The following PHTF1 variants were observed in gnomAD, a reference collection of about 807,000 sequenced individuals.
The protein encoded by PHTF1 is putative homeodomain transcription factor 1, also known as protein PHTF1.
Under a neutral mutation model 102.4 loss-of-function variants are expected in PHTF1, and 88 were observed. The observed-to-expected ratio is 0.86, with a 90% CI of 0.72 to 1.03. The LOEUF (loss-of-function observed/expected upper bound fraction) is 1.03. PHTF1 is among the 50% of genes least tolerant of loss of function. The pLI is 0.00. For synonymous variants in PHTF1, 289 were observed against 305.2 expected (o/e 0.95, Z 0.55); for missense variants, 814 against 909.5 (o/e 0.89, Z 1.35).
chr1:113,722,898 T>A (rs910364737), intron 7 of PHTF1, among the ~76,000 whole-genome samples: 2 of 149,514 alleles, frequency 1.3e-5, no homozygotes, highest in African/African-American at 2.5e-5. Context: ...CCAGCCTGGA[T>A]GACAGAGGAA....
Position 113,705,924 on chromosome 1 carries a change from A to G in PHTF1, c.1637T>C (p.Phe546Ser), listed in dbSNP as rs201254988. The G allele has an allele frequency of 6.3e-5, 101 of 1,612,700 alleles. No individual in the cohort carries two copies. Among genetic ancestry groups the G allele is most frequent in the South Asian group, 1.1e-5 (1 of 91,012 alleles). The change falls in exon 13 of 19, where the codon TTC becomes TCC. Residue 546 changes from phenylalanine (F) to serine (S), a missense_variant. Phe to Ser is a radical substitution (Grantham distance 155). Coordinates refer to ENST00000369604, the MANE Select transcript of PHTF1 (RefSeq NM_001323043.2). ...TGTTCTCTCTGCCACACACATCATGAAAAAAAACATCCAAGTAAGACACAA... is the reference window on the plus strand; with the variant it reads ...TGTTCTCTCTGCCACACACATCATGGAAAAAAACATCCAAGTAAGACACAA... ...ERLCLTWMFF[F>S]MMCVAERTYK...
chr1:113,729,064 T>C (rs536690863), intron 5 of PHTF1, among the ~76,000 whole-genome samples: 2 of 152,156 alleles, frequency 1.3e-5, no homozygotes, highest in Non-Finnish European at 2.9e-5. Flanking sequence ...GTGGTACATA[T>C]ACACAATGGA....
chr1:113,698,263 C>A lies in PHTF1; in HGVS notation c.2267G>T (p.Arg756Ile). The stretch of plus-strand genomic sequence containing the variant: ...CTACAGAGTGGTGGTGATACTTACT[C>A]TTATATTAAATCCTAGAAGATCACT... The part of the protein sequence containing the change: ...VISDLLGFNI[R>I]LWKIKS The change falls in exon 18 of 19, where the codon AGA (arginine) becomes ATA (isoleucine). Residue 756 changes from arginine to isoleucine, a missense_variant and splice_region_variant. Physicochemically the swap from Arg to Ile is moderately conservative, Grantham distance 97. Coordinates refer to ENST00000369604, the MANE Select transcript of PHTF1 (RefSeq NM_001323043.2). 1 of 1,603,372 alleles carries A rather than the reference C, an allele frequency of 6.2e-7. No individual in the cohort carries two copies. The highest frequency in any genetic ancestry group is 1.1e-5 in the South Asian group (1 of 90,802).
intron 3 of PHTF1, among the ~76,000 whole-genome samples, chr1:113,744,783 A>G (rs1656952730): frequency 6.6e-6 from 1 of 152,136 alleles, no homozygotes; most frequent in Non-Finnish European, 1.5e-5. Flanking sequence ...TGTCTCTTAT[A>G]CTAAAATGCC....
intron 11 of PHTF1, among the ~76,000 whole-genome samples, chr1:113,709,506 C>A (rs1650731005): frequency 6.6e-6 from 1 of 152,158 alleles, no homozygotes; most frequent in Admixed American, 6.5e-5. Context: ...TGAACTATTT[C>A]TTCATCATTC....
Position 113,724,895 on chromosome 1 carries a change from T to C in PHTF1, c.489-2A>G, listed in dbSNP as rs749103573. On this transcript the variant is annotated splice_acceptor_variant, in intron 6 of 18. Transcript: ENST00000369604. LOFTEE classifies it high-confidence loss of function. Reference sequence around the variant, plus strand: ...CCATTTACAGTTTTTCGTAATTTTCTACAAAAAAAAATTTCAATAACTTCA... The same window carrying C: ...CCATTTACAGTTTTTCGTAATTTTCCACAAAAAAAAATTTCAATAACTTCA... 5.0e-6 allele frequency: 8 copies of C among 1,584,826 alleles called. No individual in the cohort carries two copies. The highest frequency in any genetic ancestry group is 4.7e-5 in the South Asian group (4 of 85,462).
intron 14 of PHTF1, among the ~76,000 whole-genome samples, 171 bp downstream of exon 14, chr1:113,704,495 C>G (rs1053819470): frequency 9.2e-5 from 14 of 152,128 alleles, no homozygotes; most frequent in Admixed American, 2.0e-4. Context: ...TTTACCTACC[C>G]CTACCAGCTT....
At position 113,738,203 on chromosome 1, in the gene PHTF1, G is replaced by A. The variant is rs78000844; in HGVS notation, c.238C>T (p.Arg80Ter). Residue 80 changes from arginine (R) to a stop codon, truncating the protein, a stop_gained, in exon 5 of 19, where the codon CGA (arginine) becomes TGA (stop). Transcript: ENST00000369604. LOFTEE classifies it high-confidence loss of function. ...CTGAACAATGGAAAAAATACAACTC[G>A]AACAAGCCCCTTCCGAGTCAGAGAT... The part of the protein sequence containing the change: ...WTSLTRKGLV[R>*]VVFFPLFSNW... 3.2e-5 allele frequency: 52 copies of A among 1,613,548 alleles called. No homozygotes were observed. Among genetic ancestry groups the A allele is most frequent in the Admixed American group, 1.5e-4 (9 of 60,010 alleles).
chr1:113,710,825 TTG>T (rs1248835587), intron 10 of PHTF1, among the ~76,000 whole-genome samples: 23 of 146,790 alleles, frequency 1.6e-4, no homozygotes, highest in Admixed American at 1.2e-3. Context: ...TTTTTTTTTT[TTG>T]TAAAGATGTG....
chr1:113,702,641 A>C (rs1488876967), intron 15 of PHTF1, among the ~76,000 whole-genome samples: 1 of 125,026 alleles, frequency 8.0e-6, no homozygotes, highest in Non-Finnish European at 1.7e-5. Context: ...AGTCCCGGCT[A>C]CCAGAAAAAA....
rs1648932826 is a variant in PHTF1 at position 113,697,577 on chromosome 1, T to A, written c.*128A>T. ...CTCCGGAAACACCATTCATTCGCTT[T>A]GGCAGAGCTGAGAGCACCTGTGCAT... On this transcript the variant is annotated 3_prime_UTR_variant, in exon 19 of 19. Transcript: ENST00000369604. 1.5e-6 allele frequency: 1 copy of A among 659,556 alleles called. No homozygotes were observed. Among genetic ancestry groups the A allele is most frequent in the Admixed American group, 2.6e-5 (1 of 39,184 alleles). The allele number at this position is 659,556 out of a possible 1,614,324, so 40.9% of individuals were successfully genotyped here.
chr1:113,729,679 T>C (rs1003488631), intron 5 of PHTF1, among the ~76,000 whole-genome samples: 4 of 152,184 alleles, frequency 2.6e-5, no homozygotes, highest in African/African-American at 7.2e-5. Flanking sequence ...GTGCCAGGCC[T>C]GATAGTTTAT....
rs777687739 is a variant in PHTF1 at position 113,710,467 on chromosome 1, T to C, written c.1056A>G (p.Arg352=). The change falls in exon 11 of 19, where the codon AGA becomes AGG. Residue 352 remains arginine (R), a synonymous_variant. Transcript: ENST00000369604. ...FESAAFSQGS[R]SGVSGGSRSL... ...TTCGAGAGCCACCACTCACACCCGA[T>C]CTAGAGCCCTTTAAAGGAAAACAAA... 6 of 1,613,220 alleles carry C rather than the reference T, an allele frequency of 3.7e-6. No individual in the cohort carries two copies. The East Asian group carries it at 1.3e-4, about 36-fold the overall frequency.
At chr1:113,750,583 G>T (rs1657903502) in intron 3 of PHTF1, among the ~76,000 whole-genome samples, 1 of 152,134 alleles carries the variant, frequency 6.6e-6, no homozygotes, top group South Asian at 2.1e-4. Context: ...AAGGGGCCAG[G>T]CGTGGTGGCT....
At chr1:113,744,666 A>C (rs1656929436) in intron 3 of PHTF1, among the ~76,000 whole-genome samples, 4 of 152,318 alleles carry the variant, frequency 2.6e-5, no homozygotes, top group Admixed American at 2.6e-4. Flanking sequence ...AAAATGAGGA[A>C]TCAAGAAACA....
chr1:113,717,091 T>C (rs987353368), intron 7 of PHTF1, among the ~76,000 whole-genome samples: 1 of 152,184 alleles, frequency 6.6e-6, no homozygotes, highest in Admixed American at 6.5e-5. Flanking sequence ...ACAGTTTTTA[T>C]TACTTTTCTC....
Position 113,738,097 on chromosome 1 carries a change from T to C in PHTF1, c.331+13A>G. The C allele has an allele frequency of 4.4e-6, 7 of 1,584,068 alleles. No homozygotes were observed. Among genetic ancestry groups the C allele is most frequent in the Non-Finnish European group, 6.1e-6 (7 of 1,156,884 alleles). ...AAGAAACTGTCATTGCTTATTCCAA[T>C]TTCTCCAATTACCTTGCATGAAATA... is the stretch of plus-strand genomic sequence containing the variant. On this transcript the variant is annotated intron_variant, in intron 5 of 18. Coordinates refer to ENST00000369604, the MANE Select transcript of PHTF1 (RefSeq NM_001323043.2).
intron 15 of PHTF1, among the ~76,000 whole-genome samples, chr1:113,701,752 G>A (rs1649459639): frequency 7.5e-6 from 1 of 133,398 alleles, no homozygotes. Context: ...AAGATAAAAT[G>A]TGGAAATCAG....
chr1:113,742,424 G>A (rs1401526947), intron 3 of PHTF1, among the ~76,000 whole-genome samples: 5 of 152,086 alleles, frequency 3.3e-5, no homozygotes, highest in African/African-American at 7.2e-5. Context: ...AGGAGTTTAA[G>A]ACCACCCTGG....
Sources: allele counts gnomAD v4.1 joint callset (sites outside exome capture counted in the v4.1 genomes callset), GRCh38; gene constraint gnomAD v4.1.1; transcripts MANE v1.5; gene names NCBI Gene and HGNC (gene_info 2026-07-23, HGNC 2026-07-21).